The following NCOA1 variants were observed in gnomAD, a reference collection of about 807,000 sequenced individuals.
The protein encoded by NCOA1 is nuclear receptor coactivator 1.
A neutral mutation model predicts 150.9 loss-of-function variants in NCOA1; 35 were observed. The observed-to-expected ratio is 0.23, with a 90% CI of 0.18 to 0.31. The LOEUF is 0.31. NCOA1 is among the 10% of genes least tolerant of loss of function. NCOA1 has a pLI of 1.00. For missense variants in NCOA1, 1,491 were observed against 1,749.3 expected (o/e 0.85, Z 2.63); for synonymous variants, 590 against 630.0 (o/e 0.94, Z 0.95).
chr2:24,507,985 C>T (rs1663778639), intron 1 of NCOA1, among the ~76,000 whole-genome samples: 3 of 152,078 alleles, frequency 2.0e-5, no homozygotes, highest in Admixed American at 2.0e-4. Context: ...ATAGCATGTG[C>T]TCATATTGAA....
intron 19 of NCOA1, among the ~76,000 whole-genome samples, chr2:24,750,396 G>A (rs1418656888): frequency 2.0e-5 from 3 of 152,164 alleles, no homozygotes; most frequent in Admixed American, 2.0e-4. Flanking sequence ...ACAACATAGA[G>A]ATCACTGGAA....
intron 19 of NCOA1, among the ~76,000 whole-genome samples, chr2:24,745,028 A>G (rs965681958): frequency 9.2e-5 from 14 of 152,242 alleles, no homozygotes; most frequent in African/African-American, 2.4e-4. Flanking sequence ...ATGAAGGAAC[A>G]TGAAAGTCAT....
At chr2:24,684,665 A>G (rs1416680435) in intron 8 of NCOA1, among the ~76,000 whole-genome samples, 2 of 152,206 alleles carry the variant, frequency 1.3e-5, no homozygotes, top group Non-Finnish European at 2.9e-5. Flanking sequence ...TCTTTCTCTC[A>G]TTCCCCCAAT....
At chr2:24,605,913 C>G (rs532842082) in intron 3 of NCOA1, among the ~76,000 whole-genome samples, 1 of 152,286 alleles carries the variant, frequency 6.6e-6, no homozygotes, top group East Asian at 1.9e-4. Context: ...TGTACCTTTT[C>G]CTACCTGTTA....
At chr2:24,607,750 A>G (rs560512898) in intron 3 of NCOA1, among the ~76,000 whole-genome samples, 21 of 152,016 alleles carry the variant, frequency 1.4e-4, no homozygotes, top group Non-Finnish European at 3.1e-4. Flanking sequence ...TTTTGGTATT[A>G]AGGTTATACT....
chr2:24,562,141 C>T (rs1017945575), intron 1 of NCOA1, among the ~76,000 whole-genome samples: 2 of 152,052 alleles, frequency 1.3e-5, no homozygotes, highest in African/African-American at 4.8e-5. Flanking sequence ...CAATGATGGG[C>T]AAATCCATCC....
intron 1 of NCOA1, among the ~76,000 whole-genome samples, chr2:24,553,042 T>C (rs1329986309): frequency 6.6e-6 from 1 of 151,962 alleles, no homozygotes; most frequent in African/African-American, 2.4e-5. Context: ...TGAATAGGAG[T>C]GGTGAGAGCA....
chr2:24,498,635 G>C (rs187450354), intron 1 of NCOA1, among the ~76,000 whole-genome samples: 73 of 152,294 alleles, frequency 4.8e-4, no homozygotes, highest in African/African-American at 1.7e-3. Flanking sequence ...TGAAAAGACG[G>C]AGTAATGCAG....
At chr2:24,747,742 G>C (rs1245846068) in intron 19 of NCOA1, among the ~76,000 whole-genome samples, 2 of 152,100 alleles carry the variant, frequency 1.3e-5, no homozygotes, top group Admixed American at 6.5e-5. Context: ...GAGAGTTAAT[G>C]CAAAGACATT....
chr2:24,663,767 C>T (rs1170960685), intron 5 of NCOA1, among the ~76,000 whole-genome samples: 1 of 152,128 alleles, frequency 6.6e-6, no homozygotes, highest in Non-Finnish European at 1.5e-5. Flanking sequence ...TAGTCTCAAT[C>T]TCTAGTCATT....
intron 17 of NCOA1, among the ~76,000 whole-genome samples, chr2:24,737,919 T>C (rs1490904297): frequency 1.3e-5 from 2 of 152,216 alleles, no homozygotes; most frequent in African/African-American, 4.8e-5. Flanking sequence ...TTGGTTTATC[T>C]AAATTTATGT....
Position 24,640,811 on chromosome 2 carries a change from A to G in NCOA1, c.-174-3155A>G, listed in dbSNP as rs538218264. 2.0e-5 allele frequency among the ~76,000 whole-genome samples: 3 copies of G among 152,132 alleles called. No individual in the cohort carries two copies. In the Middle Eastern group the frequency reaches 0.01, roughly 521 times the overall value. Reference sequence around the variant, plus strand: ...TGTAATATATTCTTTTCCATTTTTTAAACTTTCAGTCTATTTGTATGTTTA... The same window carrying G: ...TGTAATATATTCTTTTCCATTTTTTGAACTTTCAGTCTATTTGTATGTTTA... On this transcript the variant is annotated intron_variant, in intron 3 of 22. Coordinates refer to ENST00000348332, the MANE Select transcript of NCOA1 (RefSeq NM_003743.5).
At chr2:24,587,150 ACACACTGTAGCC>A (rs1289572719) in intron 3 of NCOA1, among the ~76,000 whole-genome samples, 1 of 151,444 alleles carries the variant, frequency 6.6e-6, no homozygotes, top group Non-Finnish European at 1.5e-5. Flanking sequence ...GCTCCAAACC[ACACACTGTAGCC>A]CACAGATGCT....
At chr2:24,545,132 AC>A (rs1425662463) in intron 1 of NCOA1, among the ~76,000 whole-genome samples, 1 of 152,174 alleles carries the variant, frequency 6.6e-6, no homozygotes, top group Non-Finnish European at 1.5e-5. Context: ...GCATGAGCAC[AC>A]CCAGCATCAG....
intron 3 of NCOA1, among the ~76,000 whole-genome samples, chr2:24,632,196 T>C (rs1408502882): frequency 6.6e-6 from 1 of 151,970 alleles, no homozygotes; most frequent in Non-Finnish European, 1.5e-5. Context: ...TTTGAAGGGG[T>C]AGAACAGCTA....
intron 2 of NCOA1, among the ~76,000 whole-genome samples, chr2:24,577,241 AT>A (rs1667027654): frequency 6.6e-6 from 1 of 152,194 alleles, no homozygotes; most frequent in African/African-American, 2.4e-5. Flanking sequence ...GAGTGAATAA[AT>A]TAGTAATCGA....
chr2:24,658,828 C>T, intron 5 of NCOA1, 62 bp downstream of exon 5: 1 of 1,442,064 alleles, frequency 6.9e-7, no homozygotes, highest in East Asian at 2.3e-5. Context: ...ACTGCCACTT[C>T]AGAGCTTTTG....
intron 1 of NCOA1, among the ~76,000 whole-genome samples, chr2:24,504,115 A>G (rs1017554762): frequency 5.9e-5 from 9 of 151,836 alleles, no homozygotes; most frequent in African/African-American, 9.7e-5. Context: ...CAGTGCTTTC[A>G]TAATGCTCTA....
intron 5 of NCOA1, among the ~76,000 whole-genome samples, chr2:24,661,391 C>T (rs775855347): frequency 1.3e-5 from 2 of 152,000 alleles, no homozygotes; most frequent in Non-Finnish European, 2.9e-5. Flanking sequence ...CTAAGACTTA[C>T]TTTAAATTTT....
Sources: gnomAD v4.1 joint callset for allele counts (sites outside exome capture counted in the v4.1 genomes callset) on GRCh38, gnomAD v4.1.1 for gene constraint, MANE v1.5 for transcripts, NCBI Gene and HGNC (gene_info 2026-07-23, HGNC 2026-07-21) for gene names.